The following CLDN10 variants were observed in gnomAD, a reference collection of about 807,000 sequenced individuals.
CLDN10 encodes claudin 10.
In CLDN10, 15 loss-of-function variants were observed where a neutral mutation model predicts 22.9. The ratio of observed to expected loss-of-function variants is 0.65; its 90% CI spans 0.44 to 1.01. The LOEUF (loss-of-function observed/expected upper bound fraction) is 1.01. Among genes scored for constraint, CLDN10 ranks in the 50% least tolerant of loss-of-function variants. The pLI, the probability that CLDN10 is intolerant of heterozygous loss-of-function variation, is 0.00. For missense variants in CLDN10, 247 were observed against 287.8 expected, an observed-to-expected ratio of 0.86 and a Z score of 1.03; for synonymous variants, 114 against 111.4, an observed-to-expected ratio of 1.02 and a Z score of -0.15.
At chr13:95,526,569 T>C (rs980271186) in intron 1 of CLDN10, among the ~76,000 whole-genome samples, 1 of 152,072 alleles carries the variant, frequency 6.6e-6, no homozygotes, top group African/African-American at 2.4e-5. Context: ...GAACCAAATG[T>C]AGAAAAATGG....
chr13:95,525,093 A>G (rs916319503), intron 1 of CLDN10, among the ~76,000 whole-genome samples: 1 of 152,126 alleles, frequency 6.6e-6, no homozygotes, highest in Non-Finnish European at 1.5e-5. Flanking sequence ...TCCCGACCTC[A>G]GGTGATTGCC....
intron 1 of CLDN10, among the ~76,000 whole-genome samples, chr13:95,534,323 A>G (rs2043377626): frequency 6.6e-6 from 1 of 152,186 alleles, no homozygotes; most frequent in Non-Finnish European, 1.5e-5. Flanking sequence ...TGCCAGGACG[A>G]TATGTTAATA....
chr13:95,444,245 C>G (rs1177181487), intron 1 of CLDN10, among the ~76,000 whole-genome samples: 2 of 152,142 alleles, frequency 1.3e-5, no homozygotes, highest in Non-Finnish European at 2.9e-5. Context: ...ACCTTCCTGC[C>G]CTTGTGCATG....
upstream of CLDN10, among the ~76,000 whole-genome samples, chr13:95,548,538 C>T (rs1566330220): frequency 6.6e-6 from 1 of 152,142 alleles, no homozygotes; most frequent in African/African-American, 2.4e-5. Flanking sequence ...GTGAGAATAA[C>T]TGTTCATTCT....
chr13:95,561,432 T>C (rs1320932458), intron 3 of CLDN10, among the ~76,000 whole-genome samples: 1 of 152,202 alleles, frequency 6.6e-6, no homozygotes, highest in African/African-American at 2.4e-5. Flanking sequence ...TGAAATAAAA[T>C]GAAAATAATA....
At chr13:95,508,713 T>C (rs913079686) in intron 1 of CLDN10, among the ~76,000 whole-genome samples, 3 of 152,228 alleles carry the variant, frequency 2.0e-5, no homozygotes, top group African/African-American at 7.2e-5. Context: ...CATGGGAGAC[T>C]TCCTTTTCGA....
chr13:95,508,345 A>G (rs891680892), intron 1 of CLDN10, among the ~76,000 whole-genome samples: 5 of 152,142 alleles, frequency 3.3e-5, no homozygotes, highest in African/African-American at 1.2e-4. Context: ...AGAATGTTTC[A>G]TCTTTGTCTT....
chr13:95,565,102 T>C (rs1233709668), intron 3 of CLDN10, among the ~76,000 whole-genome samples: 2 of 151,276 alleles, frequency 1.3e-5, no homozygotes, highest in Non-Finnish European at 2.9e-5. Context: ...ACTTCCTCCT[T>C]TTTATTAAAA....
At chr13:95,524,355 A>G (rs2043255663) in intron 1 of CLDN10, among the ~76,000 whole-genome samples, 1 of 152,216 alleles carries the variant, frequency 6.6e-6, no homozygotes, top group Non-Finnish European at 1.5e-5. Flanking sequence ...AAGTGTTATT[A>G]GTCAGTGGCT....
At chr13:95,439,975 G>A (rs1299576484) in intron 1 of CLDN10, among the ~76,000 whole-genome samples, 6 of 151,178 alleles carry the variant, frequency 4.0e-5, no homozygotes, top group East Asian at 2.0e-4. Context: ...GTGCAGTGGC[G>A]TGATCCCAAC....
At chr13:95,445,920 C>T (rs2042373604) in intron 1 of CLDN10, among the ~76,000 whole-genome samples, 1 of 152,074 alleles carries the variant, frequency 6.6e-6, no homozygotes, top group Non-Finnish European at 1.5e-5. Flanking sequence ...GTCTTGCACA[C>T]CGTATATTTT....
At chr13:95,500,365 A>T (rs148483509) in intron 1 of CLDN10, among the ~76,000 whole-genome samples, 41 of 152,318 alleles carry the variant, frequency 2.7e-4, no homozygotes, top group African/African-American at 9.9e-4. Context: ...TCAATGCCTC[A>T]AAGGAGTTAG....
At chr13:95,452,497 G>A (rs1418431509) in intron 1 of CLDN10, among the ~76,000 whole-genome samples, 3 of 152,140 alleles carry the variant, frequency 2.0e-5, no homozygotes, top group Admixed American at 6.5e-5. Context: ...TGTTGGTCTT[G>A]CCCATAAATT....
At chr13:95,492,431 T>A (rs2042883099) in intron 1 of CLDN10, among the ~76,000 whole-genome samples, 1 of 151,998 alleles carries the variant, frequency 6.6e-6, no homozygotes, top group Non-Finnish European at 1.5e-5. Flanking sequence ...TCATACAGGT[T>A]GTCAGGGAAG....
chr13:95,447,004 G>A (rs762188840), intron 1 of CLDN10, among the ~76,000 whole-genome samples: 4 of 152,126 alleles, frequency 2.6e-5, no homozygotes, highest in Admixed American at 6.6e-5. Flanking sequence ...GAGTGATGGC[G>A]GGGGCAGGGG....
chr13:95,514,761 G>A (rs1219903185), intron 1 of CLDN10, among the ~76,000 whole-genome samples: 1 of 152,120 alleles, frequency 6.6e-6, no homozygotes, highest in Non-Finnish European at 1.5e-5. Context: ...CCTTTAAGGG[G>A]TTGAAGCAGG....
intron 1 of CLDN10, among the ~76,000 whole-genome samples, chr13:95,437,678 C>T (rs569922908): frequency 6.6e-6 from 1 of 152,056 alleles, no homozygotes; most frequent in East Asian, 1.9e-4. Flanking sequence ...AGATGGTTCG[C>T]GATGAGGGCA....
chr13:95,449,844 C>T (rs2042417069), intron 1 of CLDN10, among the ~76,000 whole-genome samples: 5 of 150,858 alleles, frequency 3.3e-5, no homozygotes, highest in Non-Finnish European at 7.4e-5. Context: ...CCCGGGTTCA[C>T]GCCATTCCCC....
intron 1 of CLDN10, among the ~76,000 whole-genome samples, chr13:95,511,102 A>C (rs2043092572): frequency 6.6e-6 from 1 of 152,200 alleles, no homozygotes; most frequent in Non-Finnish European, 1.5e-5. Context: ...CATTTTTTAA[A>C]GCTCAAGAAT....
Sources: gnomAD v4.1 joint callset for allele counts (sites outside exome capture counted in the v4.1 genomes callset) on GRCh38, gnomAD v4.1.1 for gene constraint, MANE v1.5 for transcripts, NCBI Gene and HGNC (gene_info 2026-07-23, HGNC 2026-07-21) for gene names.